The following FXYD6 variants were observed in gnomAD, a reference collection of about 807,000 sequenced individuals.
The protein encoded by FXYD6 is FXYD domain containing ion transport regulator 6.
Under a neutral mutation model 16.7 loss-of-function variants are expected in FXYD6, and 7 were observed. The observed-to-expected ratio is 0.42, with a 90% CI of 0.24 to 0.79. FXYD6 has a LOEUF of 0.79. Ranked by LOEUF, FXYD6 falls within the 30% of genes least tolerant of loss-of-function variation. The pLI, the probability that FXYD6 is intolerant of heterozygous loss-of-function variation, is 0.28. For synonymous variants in FXYD6, 49 were observed against 43.0 expected (o/e 1.14, Z -0.54); for missense variants, 111 against 116.2 (o/e 0.95, Z 0.21).
rs1218905411 is a variant in FXYD6, at chr11:117,840,366, G to A, written c.212C>T (p.Ala71Val). 6.2e-7 allele frequency: 1 copy of A among 1,614,152 alleles called. No individual in the cohort carries two copies. Among genetic ancestry groups the A allele is most frequent in the Admixed American group, 1.7e-5 (1 of 60,030 alleles). Residue 71 changes from alanine to valine, a missense_variant and splice_region_variant, in exon 6 of 8, where the codon GCC (alanine) becomes GTC (valine). Ala to Val is a moderately conservative substitution (Grantham distance 64). Transcript: ENST00000526014. ...CKCSFNQKPRAPGDEEAQVEN... is the reference protein window; with the variant it reads ...CKCSFNQKPRVPGDEEAQVEN... ...CACCTGGGCTTCCTCATCTCCTGGG[G>A]CCCTGCAGGAGAAAGAGACACACAG...
At chr11:117,875,939 G>A (rs1292526261) in intron 1 of FXYD6, among the ~76,000 whole-genome samples, 1 of 152,196 alleles carries the variant, frequency 6.6e-6, no homozygotes, top group Non-Finnish European at 1.5e-5. Context: ...GGCCAGCCCT[G>A]CTGGGGAAAG....
intron 1 of FXYD6, among the ~76,000 whole-genome samples, chr11:117,857,828 C>G (rs930620093): frequency 1.3e-5 from 2 of 152,064 alleles, no homozygotes; most frequent in Non-Finnish European, 2.9e-5. Flanking sequence ...GGACTGGCCC[C>G]GAAGGCTTTT....
rs1341125711 is a variant in FXYD6, at chr11:117,838,201, G to A, written c.*98C>T. 3 of 702,518 alleles carry A rather than the reference G, an allele frequency of 4.3e-6. No homozygotes were observed. The highest frequency in any genetic ancestry group is 7.8e-6 in the Non-Finnish European group (3 of 385,012). 43.5% of individuals were successfully genotyped at this position (702,518 alleles called of 1,614,324 possible). A position where few individuals can be genotyped will look rare whatever the true frequency, so the allele number is the denominator to read the frequency against. On this transcript the variant is annotated 3_prime_UTR_variant, in exon 8 of 8. Coordinates refer to ENST00000526014, the MANE Select transcript of FXYD6 (RefSeq NM_022003.4). The stretch of plus-strand genomic sequence containing the variant: ...CTTGGCTTCTCCTGGGGAAAGGGCT[G>A]TTGCTGAAGTGGCCGGTTTTCTTAA...
chr11:117,840,011 G>T, intron 6 of FXYD6, 181 bp from the exon 7 acceptor site: 1 of 759,304 alleles, frequency 1.3e-6, no homozygotes, highest in Non-Finnish European at 2.2e-6. Flanking sequence ...CAGGAACCTG[G>T]TAACCTCTCT....
intron 1 of FXYD6, among the ~76,000 whole-genome samples, chr11:117,864,750 C>A (rs1348185925): frequency 2.0e-5 from 3 of 152,178 alleles, no homozygotes; most frequent in Non-Finnish European, 4.4e-5. Flanking sequence ...CCACACCCAG[C>A]TCATTTTTGT....
intron 1 of FXYD6, among the ~76,000 whole-genome samples, chr11:117,853,326 C>T (rs2056648937): frequency 6.6e-6 from 1 of 152,166 alleles, no homozygotes; most frequent in Non-Finnish European, 1.5e-5. Context: ...CACTTTAGCC[C>T]CTCTCAAGGG....
intron 1 of FXYD6, among the ~76,000 whole-genome samples, chr11:117,843,430 G>A (rs12801338): frequency 0.02 from 3,014 of 152,260 alleles, 59 homozygotes; most frequent in Non-Finnish European, 0.03. Context: ...CCTCTGGGAC[G>A]TGACTTTGAA....
rs564399775 is a variant in FXYD6, at chr11:117,853,614, C to A, written c.-5-10833G>T. Among the ~76,000 whole-genome samples, 20 of 152,302 alleles carry A rather than the reference C, an allele frequency of 1.3e-4. No individual in the cohort carries two copies. The South Asian group carries it at 3.9e-3, about 30-fold the overall frequency. ...CTGAGTGATCCTCCTGCCTCAGCCT[C>A]CCTAGTAGCTGGAACTACAAGCATG... is the stretch of plus-strand genomic sequence containing the variant. On this transcript the variant is annotated intron_variant, in intron 1 of 7. Coordinates refer to ENST00000526014, the MANE Select transcript of FXYD6 (RefSeq NM_022003.4).
chr11:117,872,027 T>C lies in FXYD6; in HGVS notation c.-6+4565A>G, dbSNP rs138858433. Among the ~76,000 whole-genome samples the C allele has an allele frequency of 2.7e-3, 416 of 152,294 alleles. 3 individuals carry two copies. Among genetic ancestry groups the C allele is most frequent in the African/African-American group, 9.4e-3 (392 of 41,558 alleles). On this transcript the variant is annotated intron_variant, in intron 1 of 7. Transcript: ENST00000526014. This position sits in a 1 kb window ranked among gnomAD's most constrained non-coding sequence, Gnocchi z 4.9. ...CGCTGAGCCTGGAGTGCCTACACCATGTACCTGTGCTTATTAATAGGCACT... is the reference window on the plus strand; with the variant it reads ...CGCTGAGCCTGGAGTGCCTACACCACGTACCTGTGCTTATTAATAGGCACT...
chr11:117,870,349 G>A lies in FXYD6; in HGVS notation c.-6+6243C>T, dbSNP rs956680030. ...AGCAGGCTGCACGCCCCAGCAGGGCGTGATGGAGTCAGGCCAGGATGGGAT... is the reference window on the plus strand; with the variant it reads ...AGCAGGCTGCACGCCCCAGCAGGGCATGATGGAGTCAGGCCAGGATGGGAT... On this transcript the variant is annotated intron_variant, in intron 1 of 7. Transcript: ENST00000526014. The surrounding 1 kb of genome is among the most constrained non-coding windows in gnomAD (Gnocchi z 4.2). Among the ~76,000 whole-genome samples, 2 of 152,220 alleles carry A rather than the reference G, an allele frequency of 1.3e-5. No homozygotes were observed. Among genetic ancestry groups the A allele is most frequent in the African/African-American group, 2.4e-5 (1 of 41,470 alleles).
chr11:117,874,998 C>T (rs2057224646), intron 1 of FXYD6, among the ~76,000 whole-genome samples: 1 of 152,186 alleles, frequency 6.6e-6, no homozygotes, highest in South Asian at 2.1e-4. Flanking sequence ...CTTCCTGAGC[C>T]TCCATCTCTT....
At chr11:117,859,863 T>G (rs1026016706) in intron 1 of FXYD6, among the ~76,000 whole-genome samples, 1 of 152,142 alleles carries the variant, frequency 6.6e-6, no homozygotes, top group Non-Finnish European at 1.5e-5. Context: ...TCATCCTTAG[T>G]CTGGTCGTAC....
At position 117,858,762 on chromosome 11, in the gene FXYD6, TTCCTTCCTTCCTTCC is replaced by T. The variant is rs1565324094; in HGVS notation, c.-5-15996_-5-15982del. ...CTTCCTTCCTTCCTTCCTTCCTTCC[TTCCTTCCTTCCTTCC>T]TTCTTTCTTTTCTTTTTTAGACAGT... On this transcript the variant is annotated intron_variant, in intron 1 of 7. Coordinates refer to ENST00000526014, the MANE Select transcript of FXYD6 (RefSeq NM_022003.4). Among the ~76,000 whole-genome samples, 180 of 140,042 alleles carry T rather than the reference TTCCTTCCTTCCTTCC, an allele frequency of 1.3e-3. 13 individuals carry two copies. Among genetic ancestry groups the T allele is most frequent in the East Asian group, 0.01 (48 of 4,694 alleles). The allele number at this position is 140,042 out of a possible 152,430, so 91.9% of individuals were successfully genotyped here. A position where few individuals can be genotyped will look rare whatever the true frequency, so the allele number is the denominator to read the frequency against.
chr11:117,863,498 CA>C (rs1204088568), intron 1 of FXYD6, among the ~76,000 whole-genome samples: 1 of 151,018 alleles, frequency 6.6e-6, no homozygotes, highest in Non-Finnish European at 1.5e-5. Flanking sequence ...AAACCCACAG[CA>C]AACATCACAC....
intron 6 of FXYD6, chr11:117,840,081 A>G (rs11216578): frequency 0.034 from 21,727 of 641,712 alleles, 2,347 homozygotes; most frequent in East Asian, 0.25. Context: ...GTGCCCATTA[A>G]ATGATATGGG....
intron 1 of FXYD6, among the ~76,000 whole-genome samples, chr11:117,848,076 T>C (rs1316532035): frequency 2.0e-5 from 3 of 152,232 alleles, no homozygotes; most frequent in African/African-American, 7.2e-5. Flanking sequence ...TGAGATGGTA[T>C]CTCATTGTGG....
rs922847553 is a variant in FXYD6 at position 117,838,224 on chromosome 11, T to C, written c.*75A>G. On this transcript the variant is annotated 3_prime_UTR_variant, in exon 8 of 8. Transcript: ENST00000526014. ...CTGTTGCTGAAGTGGCCGGTTTTCTTAAGCATCGACATTTGCATCCAAAGG... is the reference window on the plus strand; with the variant it reads ...CTGTTGCTGAAGTGGCCGGTTTTCTCAAGCATCGACATTTGCATCCAAAGG... 3 of 702,492 alleles carry C rather than the reference T, an allele frequency of 4.3e-6. No individual in the cohort carries two copies. Among genetic ancestry groups the C allele is most frequent in the African/African-American group, 1.7e-5 (1 of 57,236 alleles). 43.5% of individuals were successfully genotyped at this position (702,492 alleles called of 1,614,324 possible). A position where few individuals can be genotyped will look rare whatever the true frequency, so the allele number is the denominator to read the frequency against.
chr11:117,849,621 T>C (rs2056557063), intron 1 of FXYD6, among the ~76,000 whole-genome samples: 1 of 152,160 alleles, frequency 6.6e-6, no homozygotes, highest in South Asian at 2.1e-4. Flanking sequence ...TTTATAAATG[T>C]ATCCCCATAT....
At position 117,870,773 on chromosome 11, in the gene FXYD6, C is replaced by T. The variant is rs74538168; in HGVS notation, c.-6+5819G>A. 2.2e-3 allele frequency among the ~76,000 whole-genome samples: 332 copies of T among 152,186 alleles called. 13 individuals are homozygous for T. The East Asian group carries it at 0.056, about 26-fold the overall frequency. ...CATTATCCCCTCCCTCCCCTCAATGCATCCTCATACCCACAGAGCCAAGGC... is the reference window on the plus strand; with the variant it reads ...CATTATCCCCTCCCTCCCCTCAATGTATCCTCATACCCACAGAGCCAAGGC... On this transcript the variant is annotated intron_variant, in intron 1 of 7. Coordinates refer to ENST00000526014, the MANE Select transcript of FXYD6 (RefSeq NM_022003.4). The surrounding 1 kb of genome is among the most constrained non-coding windows in gnomAD (Gnocchi z 4.2).
Sources: gnomAD v4.1 joint callset for allele counts (sites outside exome capture counted in the v4.1 genomes callset) on GRCh38, gnomAD v4.1.1 for gene constraint, Gnocchi (gnomAD v3.1) non-coding constraint, MANE v1.5 for transcripts, NCBI Gene and HGNC (gene_info 2026-07-23, HGNC 2026-07-21) for gene names.